PHF21A: variants seen among roughly 807,000 people sequenced by gnomAD.
The protein encoded by PHF21A is PHD finger protein 21A.
A neutral mutation model predicts 82.5 loss-of-function variants in PHF21A; 11 were observed. The ratio of observed to expected loss-of-function variants is 0.13; its 90% confidence interval spans 0.08 to 0.22. PHF21A has a LOEUF of 0.22. PHF21A is among the 10% of genes least tolerant of loss of function. The pLI is 1.00. For synonymous variants in PHF21A, 297 were observed against 302.8 expected, an observed-to-expected ratio of 0.98 and a Z score of 0.20; for missense variants, 579 against 837.8, an observed-to-expected ratio of 0.69 and a Z score of 3.81.
intron 1 of PHF21A, among the ~76,000 whole-genome samples, chr11:46,094,440 T>C (rs1018078393): frequency 2.6e-5 from 4 of 152,168 alleles, no homozygotes; most frequent in African/African-American, 9.7e-5. Flanking sequence ...GGGCCCGAGA[T>C]TCCTTGGCTG....
At chr11:46,118,616 T>C (rs1852076261) in intron 1 of PHF21A, 2 of 152,132 alleles carry the variant, frequency 1.3e-5, no homozygotes, top group Admixed American at 6.5e-5. Context: ...AAAAGATAGG[T>C]CCTGGGATTT....
chr11:45,934,350 C>G, intron 18 of PHF21A, 125 bp from the exon 19 acceptor site: 1 of 978,934 alleles, frequency 1.0e-6, no homozygotes, highest in Non-Finnish European at 1.5e-6. Context: ...CTGTGCAGCC[C>G]CTGGGCCTTG....
chr11:46,014,162 C>T (rs1463066353), intron 6 of PHF21A, among the ~76,000 whole-genome samples: 2 of 152,198 alleles, frequency 1.3e-5, no homozygotes, highest in Non-Finnish European at 2.9e-5. Flanking sequence ...TTGCTCCCAT[C>T]CTTCCCTACT....
chr11:45,976,375 T>C (rs562559733), intron 7 of PHF21A, among the ~76,000 whole-genome samples: 19 of 152,346 alleles, frequency 1.2e-4, no homozygotes, highest in African/African-American at 4.3e-4. Context: ...AGAAACTCTC[T>C]GATTTGTGAA....
chr11:45,993,318 C>A (rs1330270164), intron 6 of PHF21A, among the ~76,000 whole-genome samples: 1 of 152,098 alleles, frequency 6.6e-6, no homozygotes, highest in Non-Finnish European at 1.5e-5. Context: ...CATATTTACA[C>A]AGCACTTTAC....
chr11:45,983,507 T>A (rs533755426), intron 6 of PHF21A, among the ~76,000 whole-genome samples: 201 of 150,052 alleles, frequency 1.3e-3, no homozygotes, highest in African/African-American at 3.5e-3. Context: ...AAAAAAAAAT[T>A]TTTAAATCAA....
intron 1 of PHF21A, among the ~76,000 whole-genome samples, chr11:46,113,344 A>G (rs139467692): frequency 6.6e-6 from 1 of 152,358 alleles, no homozygotes; most frequent in Non-Finnish European, 1.5e-5. Flanking sequence ...CAGTTTCTCT[A>G]GCACATACCG....
rs150440208 is a variant in PHF21A at position 46,076,339 on chromosome 11, C to T, written c.153+415G>A. 5.8e-3 allele frequency among the ~76,000 whole-genome samples: 890 copies of T among 152,260 alleles called. 5 individuals are homozygous for T. Among genetic ancestry groups the T allele is most frequent in the Non-Finnish European group, 9.8e-3 (665 of 68,020 alleles). Reference sequence around the variant, plus strand: ...TAGAATGGGAAACCTACATTTAGAGCAATCTACTTACAAGAAGATTCTCTC... The same window carrying T: ...TAGAATGGGAAACCTACATTTAGAGTAATCTACTTACAAGAAGATTCTCTC... On this transcript the variant is annotated intron_variant, in intron 6 of 18. Coordinates refer to ENST00000676320, the MANE Select transcript of PHF21A (RefSeq NM_001352027.3).
At chr11:46,054,980 G>A (rs1372802426) in intron 6 of PHF21A, among the ~76,000 whole-genome samples, 1 of 152,108 alleles carries the variant, frequency 6.6e-6, no homozygotes, top group South Asian at 2.1e-4. Flanking sequence ...TAGTTTAAAT[G>A]AACCTTCATT....
chr11:46,119,691 C>T (rs1393506249), intron 1 of PHF21A: 2 of 151,868 alleles, frequency 1.3e-5, no homozygotes, highest in South Asian at 4.1e-4. Flanking sequence ...ATACCAACCC[C>T]TCCCCTACCA....
chr11:45,955,722 C>T (rs2092582258), intron 10 of PHF21A, among the ~76,000 whole-genome samples: 2 of 152,144 alleles, frequency 1.3e-5, no homozygotes, highest in South Asian at 4.1e-4. Flanking sequence ...ACAATCAAAA[C>T]ATTGGTGGTG....
At chr11:46,068,746 G>A (rs1350824116) in intron 6 of PHF21A, among the ~76,000 whole-genome samples, 3 of 152,068 alleles carry the variant, frequency 2.0e-5, no homozygotes, top group African/African-American at 7.2e-5. Context: ...GATGACAAGG[G>A]CTAAGAAATT....
chr11:45,940,451 C>T (rs953245117), intron 15 of PHF21A, among the ~76,000 whole-genome samples: 3 of 152,160 alleles, frequency 2.0e-5, no homozygotes, highest in African/African-American at 4.8e-5. Context: ...ACCTCGGCCT[C>T]CCAAAGTGCT....
At chr11:45,936,363 C>T in intron 17 of PHF21A, 131 bp downstream of exon 17, 2 of 589,404 alleles carry the variant, frequency 3.4e-6, no homozygotes, top group South Asian at 2.4e-5. Flanking sequence ...GCTTTGTTTC[C>T]TCCAATAGTT....
chr11:45,997,068 G>A (rs1320499475), intron 6 of PHF21A, among the ~76,000 whole-genome samples: 1 of 152,128 alleles, frequency 6.6e-6, no homozygotes, highest in Non-Finnish European at 1.5e-5. Context: ...ACAAAATCTT[G>A]GTTTTGAAAA....
chr11:45,958,449 T>TATACACACACACACAC (rs780397923), intron 10 of PHF21A, among the ~76,000 whole-genome samples: 8 of 15,076 alleles, frequency 5.3e-4, no homozygotes, highest in Admixed American at 1.5e-3. Flanking sequence ...TATATATATA[T>TATACACACACACACAC]ACACACACAC....
chr11:46,052,955 A>T (rs1450974443), intron 6 of PHF21A, among the ~76,000 whole-genome samples: 1 of 152,188 alleles, frequency 6.6e-6, no homozygotes, highest in Non-Finnish European at 1.5e-5. Context: ...GTGCTACAAG[A>T]TGAAGTAGAA....
intron 6 of PHF21A, among the ~76,000 whole-genome samples, chr11:45,984,556 T>G (rs2094430674): frequency 6.6e-6 from 1 of 152,184 alleles, no homozygotes; most frequent in Non-Finnish European, 1.5e-5. Flanking sequence ...AAATACGGAA[T>G]TTTATAGGTC....
At chr11:46,074,668 A>G (rs939090098) in intron 6 of PHF21A, among the ~76,000 whole-genome samples, 3 of 152,108 alleles carry the variant, frequency 2.0e-5, no homozygotes, top group Non-Finnish European at 4.4e-5. Flanking sequence ...ACACCCGGTT[A>G]ATTTTTGTAT....
Sources: allele counts gnomAD v4.1 joint callset (sites outside exome capture counted in the v4.1 genomes callset), GRCh38; gene constraint gnomAD v4.1.1; transcripts MANE v1.5; gene names NCBI Gene and HGNC (gene_info 2026-07-23, HGNC 2026-07-21).